AGPAT5: variants seen among roughly 807,000 people sequenced by gnomAD.
The protein encoded by AGPAT5 is 1-acyl-sn-glycerol-3-phosphate acyltransferase epsilon.
AGPAT5 carries 46 observed loss-of-function variants against 45.6 expected under a neutral mutation model. The observed-to-expected ratio is 1.01, with a 90% CI of 0.80 to 1.29. The LOEUF is 1.29. AGPAT5 is among the 50% of genes most tolerant of loss of function. The probability of loss-of-function intolerance (pLI) is 0.00; values close to 1 mark genes in which losing one functional copy is unlikely to be tolerated. For synonymous variants in AGPAT5, 272 were observed against 167.0 expected, an observed-to-expected ratio of 1.63 and a Z score of -4.85; for missense variants, 673 against 450.7, an observed-to-expected ratio of 1.49 and a Z score of -4.47.
chr8:6,729,413 A>G (rs1800790400), intron 2 of AGPAT5, among the ~76,000 whole-genome samples: 1 of 151,450 alleles, frequency 6.6e-6, no homozygotes, highest in African/African-American at 2.4e-5. Context: ...TGGCCTGAGA[A>G]CATGGGTGAT....
At chr8:6,728,325 G>A (rs979371416) in intron 2 of AGPAT5, among the ~76,000 whole-genome samples, 1 of 152,234 alleles carries the variant, frequency 6.6e-6, no homozygotes, top group African/African-American at 2.4e-5. Context: ...GAGATAGTCA[G>A]AAACTGTCTG....
rs528549304 is a variant in AGPAT5, at chr8:6,727,524, G to A, written c.289+2585G>A. ...AGCCTCCCGAGTAGCTGGGATTACA[G>A]ACATGCACCACCACGCCTGGCTAAT... On this transcript the variant is annotated intron_variant, in intron 2 of 7. Transcript: ENST00000285518. Among the ~76,000 whole-genome samples the A allele has an allele frequency of 2.6e-5, 4 of 152,234 alleles. No individual in the cohort carries two copies. In the East Asian group the frequency reaches 5.8e-4, roughly 22 times the overall value.
At chr8:6,749,989 G>A (rs1350520149) in intron 6 of AGPAT5, among the ~76,000 whole-genome samples, 1 of 152,188 alleles carries the variant, frequency 6.6e-6, no homozygotes, top group Non-Finnish European at 1.5e-5. Context: ...GGTGAAGCTG[G>A]CTGACTGAGT....
Position 6,741,782 on chromosome 8 carries a change from A to G in AGPAT5, c.586+31A>G, listed in dbSNP as rs756879482. On this transcript the variant is annotated intron_variant, in intron 5 of 7. Transcript: ENST00000285518. ...TAAAAATTTGAGTGTTTGAACAAAT[A>G]ATTTTCAAAGATAATAACATTTTTA... The G allele has an allele frequency of 2.0e-6, 3 of 1,503,754 alleles. No individual in the cohort carries two copies. In the East Asian group the frequency reaches 6.8e-5, roughly 34 times the overall value. The allele number at this position is 1,503,754 out of a possible 1,614,324, so 93.2% of individuals were successfully genotyped here.
At chr8:6,720,705 A>G (rs1800469924) in intron 1 of AGPAT5, among the ~76,000 whole-genome samples, 2 of 152,216 alleles carry the variant, frequency 1.3e-5, no homozygotes, top group Admixed American at 1.3e-4. Context: ...GGGTGGCCTG[A>G]CCATGGAGAC....
intron 1 of AGPAT5, among the ~76,000 whole-genome samples, chr8:6,722,659 G>C (rs868417804): frequency 1.3e-5 from 2 of 152,202 alleles, no homozygotes; most frequent in African/African-American, 4.8e-5. Flanking sequence ...TGATGAAGGC[G>C]AGGTGAAACT....
At chr8:6,719,218 TAGAA>T (rs749290068) in intron 1 of AGPAT5, among the ~76,000 whole-genome samples, 3 of 152,200 alleles carry the variant, frequency 2.0e-5, no homozygotes, top group Non-Finnish European at 2.9e-5. Flanking sequence ...CACTTCCAAC[TAGAA>T]AGAATTTTTT....
chr8:6,711,160 C>A (rs1193722048), intron 1 of AGPAT5, among the ~76,000 whole-genome samples: 2 of 152,144 alleles, frequency 1.3e-5, no homozygotes, highest in Admixed American at 1.3e-4. Flanking sequence ...CACAGTAGTT[C>A]TTGCAGAAGA....
chr8:6,709,019 C>G, intron 1 of AGPAT5, 132 bp downstream of exon 1: 2 of 859,166 alleles, frequency 2.3e-6, no homozygotes, highest in Non-Finnish European at 3.8e-6. Flanking sequence ...CACGTGCCGC[C>G]TCCCCGCCTT....
At chr8:6,711,733 G>A (rs370140544) in intron 1 of AGPAT5, among the ~76,000 whole-genome samples, 86 of 152,284 alleles carry the variant, frequency 5.6e-4, no homozygotes, top group African/African-American at 2.0e-3. Flanking sequence ...GAGGCCCTAG[G>A]GGGAATCCGT....
chr8:6,747,531 G>A, intron 5 of AGPAT5, 139 bp from the exon 6 acceptor site: 2 of 779,666 alleles, frequency 2.6e-6, no homozygotes. Flanking sequence ...TAAACTTAGA[G>A]CCCTAAATAT....
chr8:6,745,851 T>G (rs1801432357), intron 5 of AGPAT5: 2 of 152,206 alleles, frequency 1.3e-5, no homozygotes, highest in African/African-American at 4.8e-5. Flanking sequence ...TTCGGTTGAT[T>G]CTTGCCATTT....
intron 1 of AGPAT5, among the ~76,000 whole-genome samples, chr8:6,723,899 G>A (rs1251257764): frequency 6.6e-6 from 1 of 152,106 alleles, no homozygotes; most frequent in Non-Finnish European, 1.5e-5. Flanking sequence ...AATCCTTATG[G>A]ACAAGATAGA....
At chr8:6,712,487 C>T (rs956812644) in intron 1 of AGPAT5, among the ~76,000 whole-genome samples, 1 of 151,988 alleles carries the variant, frequency 6.6e-6, no homozygotes, top group Non-Finnish European at 1.5e-5. Flanking sequence ...GGTTTGTTTG[C>T]CACTTAAAAG....
chr8:6,743,654 T>C (rs2116932843), intron 5 of AGPAT5, among the ~76,000 whole-genome samples: 1 of 152,322 alleles, frequency 6.6e-6, no homozygotes, highest in Non-Finnish European at 1.5e-5. Context: ...GGGTTTTGTT[T>C]TAACTAATTT....
At chr8:6,732,715 A>G in intron 4 of AGPAT5, 65 bp downstream of exon 4, 1 of 1,288,270 alleles carries the variant, frequency 7.8e-7, no homozygotes, top group South Asian at 1.4e-5. Flanking sequence ...GAATTAAATT[A>G]AAATCTAAGA....
intron 4 of AGPAT5, among the ~76,000 whole-genome samples, chr8:6,740,985 A>G (rs1587045306): frequency 6.6e-6 from 1 of 152,150 alleles, no homozygotes; most frequent in Non-Finnish European, 1.5e-5. Context: ...TATAATTTTA[A>G]TGTTTCTGTT....
intron 4 of AGPAT5, among the ~76,000 whole-genome samples, chr8:6,735,781 T>G (rs1251351055): frequency 1.3e-5 from 2 of 151,888 alleles, no homozygotes; most frequent in Non-Finnish European, 2.9e-5. Context: ...ATTTCAAAAC[T>G]TGGAACAATG....
At chr8:6,714,586 T>C (rs1286327840) in intron 1 of AGPAT5, among the ~76,000 whole-genome samples, 2 of 152,250 alleles carry the variant, frequency 1.3e-5, no homozygotes, top group Non-Finnish European at 2.9e-5. Context: ...ATTCAAACAC[T>C]GCCACAATAC....
Sources: allele counts gnomAD v4.1 joint callset (sites outside exome capture counted in the v4.1 genomes callset), GRCh38; gene constraint gnomAD v4.1.1; transcripts MANE v1.5; gene names NCBI Gene and HGNC (gene_info 2026-07-23, HGNC 2026-07-21).